Variants in DCLK2 observed in about 807,000 individuals in gnomAD.
The protein encoded by DCLK2 is doublecortin like kinase 2.
DCLK2 carries 31 observed loss-of-function variants against 78.4 expected under a neutral mutation model. The ratio of observed to expected loss-of-function variants is 0.40; its 90% CI spans 0.30 to 0.53. The LOEUF (loss-of-function observed/expected upper bound fraction) is 0.53, where lower values mean the gene tolerates loss of function less well. Among genes scored for constraint, DCLK2 ranks in the 20% least tolerant of loss-of-function variants. The pLI is 0.61. For synonymous variants in DCLK2, 407 were observed against 374.9 expected (o/e 1.09, Z -0.99); for missense variants, 872 against 973.7 (o/e 0.90, Z 1.39).
At position 150,181,795 on chromosome 4, in the gene DCLK2, T is replaced by C. The variant is rs79630546; in HGVS notation, c.757-11343T>C. The stretch of plus-strand genomic sequence containing the variant: ...AGGAAGCTGAAAAACATTGCTATTC[T>C]AAGTAGCTTTCTTCTTCCTGTAGAA... On this transcript the variant is annotated intron_variant, in intron 2 of 15. Transcript: ENST00000296550. Among the ~76,000 whole-genome samples the C allele has an allele frequency of 6.6e-3, 1,003 of 152,252 alleles. 28 individuals are homozygous for C. The highest frequency in any genetic ancestry group is 0.057 in the East Asian group (295 of 5,162).
chr4:150,239,332 TC>T (rs1320232205), intron 10 of DCLK2, among the ~76,000 whole-genome samples: 1 of 152,156 alleles, frequency 6.6e-6, no homozygotes, highest in African/African-American at 2.4e-5. Flanking sequence ...GCACGGTAGC[TC>T]ATGCCTGTAT....
chr4:150,135,692 G>A (rs1733640192), intron 2 of DCLK2, among the ~76,000 whole-genome samples: 1 of 152,252 alleles, frequency 6.6e-6, no homozygotes, highest in Admixed American at 6.5e-5. Context: ...CTTGAATGGA[G>A]TGTACAAATG....
chr4:150,105,781 G>A (rs1731210590), intron 2 of DCLK2, among the ~76,000 whole-genome samples: 1 of 152,030 alleles, frequency 6.6e-6, no homozygotes, highest in Non-Finnish European at 1.5e-5. Context: ...TTAAAGACAT[G>A]AGAAAATGTT....
intron 3 of DCLK2, among the ~76,000 whole-genome samples, chr4:150,195,395 TA>T (rs67037447): frequency 0.04 from 94 of 2,358 alleles, 32 homozygotes; most frequent in African/African-American, 0.081. Flanking sequence ...ATATATTATA[TA>T]ATATTATATA....
At chr4:150,101,684 A>G (rs1005917414) in intron 1 of DCLK2, among the ~76,000 whole-genome samples, 1 of 152,178 alleles carries the variant, frequency 6.6e-6, no homozygotes, top group African/African-American at 2.4e-5. Context: ...ATATCAGTAA[A>G]CATTGAATTA....
chr4:150,229,721 CATTT>C (rs1478109200), intron 8 of DCLK2, among the ~76,000 whole-genome samples: 2 of 152,104 alleles, frequency 1.3e-5, no homozygotes, highest in African/African-American at 4.8e-5. Flanking sequence ...GCAGTTTTGT[CATTT>C]ACTCTCACTC....
At chr4:150,190,235 TTAGATAGATAGATAGA>T (rs35680371) in intron 2 of DCLK2, among the ~76,000 whole-genome samples, 7,912 of 115,356 alleles carry the variant, frequency 0.069, 547 homozygotes, top group African/African-American at 0.17. Context: ...AGATGGATAG[TTAGATAGATAGATAGA>T]TAGATAGATA....
chr4:150,244,543 A>G (rs1023735842), intron 12 of DCLK2, among the ~76,000 whole-genome samples: 6 of 152,124 alleles, frequency 3.9e-5, no homozygotes, highest in Non-Finnish European at 8.8e-5. Context: ...TTGTTTTTCA[A>G]GTTTTTCTTA....
chr4:150,194,451 A>G (rs74960033), intron 3 of DCLK2, among the ~76,000 whole-genome samples: 2,813 of 152,288 alleles, frequency 0.018, 85 homozygotes, highest in African/African-American at 0.064. Flanking sequence ...CTTTGGTGAG[A>G]TGAAAAAATC....
intron 2 of DCLK2, among the ~76,000 whole-genome samples, chr4:150,178,688 C>CA (rs1393846708): frequency 5.3e-5 from 8 of 152,212 alleles, no homozygotes; most frequent in Non-Finnish European, 8.8e-5. Context: ...CTAATCTACT[C>CA]ACCTTGCCGG....
chr4:150,149,904 A>G (rs914016134), intron 2 of DCLK2, among the ~76,000 whole-genome samples: 5 of 152,222 alleles, frequency 3.3e-5, no homozygotes, highest in African/African-American at 1.2e-4. Context: ...AAAGGAACCC[A>G]AATTTTAGAG....
At chr4:150,142,934 C>A (rs892440555) in intron 2 of DCLK2, among the ~76,000 whole-genome samples, 3 of 152,016 alleles carry the variant, frequency 2.0e-5, no homozygotes, top group African/African-American at 7.2e-5. Context: ...CCCTCACTCC[C>A]CTCTCACCCT....
rs1441491438 is a variant in DCLK2 at position 150,078,896 on chromosome 4, G to A, written c.-132G>A. ...CGCGGCTCCTCGGCCCCACCTGCGCGGAGAGGGCGGGATGCCAGAGCCAGG... is the reference window on the plus strand; with the variant it reads ...CGCGGCTCCTCGGCCCCACCTGCGCAGAGAGGGCGGGATGCCAGAGCCAGG... On this transcript the variant is annotated 5_prime_UTR_variant, in exon 1 of 16. Transcript: ENST00000296550. 1 of 1,217,576 alleles carries A rather than the reference G, an allele frequency of 8.2e-7. No individual in the cohort carries two copies. The highest frequency in any genetic ancestry group is 1.9e-5 in the South Asian group (1 of 52,960). The allele number at this position is 1,217,576 out of a possible 1,614,324, so 75.4% of individuals were successfully genotyped here.
intron 2 of DCLK2, among the ~76,000 whole-genome samples, chr4:150,122,960 A>C (rs1231949791): frequency 6.6e-6 from 1 of 152,200 alleles, no homozygotes; most frequent in African/African-American, 2.4e-5. Context: ...GAGCTTTGTC[A>C]CCACTCTCAG....
chr4:150,125,741 A>C (rs1362181872), intron 2 of DCLK2, among the ~76,000 whole-genome samples: 1 of 152,006 alleles, frequency 6.6e-6, no homozygotes, highest in Non-Finnish European at 1.5e-5. Context: ...AATACAAAAA[A>C]TTAGCTGGGC....
rs1363806597 is a variant in DCLK2, at chr4:150,101,561, T to A, written c.422-917T>A. 2.6e-5 allele frequency among the ~76,000 whole-genome samples: 4 copies of A among 152,150 alleles called. No individual in the cohort carries two copies. The East Asian group carries it at 7.7e-4, about 29-fold the overall frequency. On this transcript the variant is annotated intron_variant, in intron 1 of 15. Coordinates refer to ENST00000296550, the MANE Select transcript of DCLK2 (RefSeq NM_001040260.4). ...TTAGAAAAACCTTAGTATAACCCTCTTATCTTGTATGTCAAAAAGTCAAGA... is the reference window on the plus strand; with the variant it reads ...TTAGAAAAACCTTAGTATAACCCTCATATCTTGTATGTCAAAAAGTCAAGA...
At chr4:150,104,483 C>CA (rs1164929346) in intron 2 of DCLK2, among the ~76,000 whole-genome samples, 1 of 128,192 alleles carries the variant, frequency 7.8e-6, no homozygotes, top group Non-Finnish European at 1.6e-5. Context: ...AAATAGTTAT[C>CA]AAAAAAATTA....
At chr4:150,223,863 A>G (rs903663195) in intron 7 of DCLK2, among the ~76,000 whole-genome samples, 1 of 152,214 alleles carries the variant, frequency 6.6e-6, no homozygotes, top group Non-Finnish European at 1.5e-5. Context: ...ACCAGATCAG[A>G]TCCTAGCTGA....
chr4:150,086,836 G>A lies in DCLK2; in HGVS notation c.421+7388G>A, dbSNP rs542474542. On this transcript the variant is annotated intron_variant, in intron 1 of 15. Coordinates refer to ENST00000296550, the MANE Select transcript of DCLK2 (RefSeq NM_001040260.4). The stretch of plus-strand genomic sequence containing the variant: ...CCAGATTCTTTCATATTTATTTCTC[G>A]TTATGTGTTTAAATCCCAGGATTAT... Among the ~76,000 whole-genome samples, 8 of 152,100 alleles carry A rather than the reference G, an allele frequency of 5.3e-5. No homozygotes were observed. In the East Asian group the frequency reaches 5.8e-4, roughly 11 times the overall value.
Sources: gnomAD v4.1 joint callset for allele counts (sites outside exome capture counted in the v4.1 genomes callset) on GRCh38, gnomAD v4.1.1 for gene constraint, MANE v1.5 for transcripts, NCBI Gene and HGNC (gene_info 2026-07-23, HGNC 2026-07-21) for gene names.